SUGP1: variants seen among roughly 807,000 people sequenced by gnomAD.
SUGP1 encodes the protein SURP and G-patch domain containing 1, also known as SURP and G-patch domain-containing protein 1.
A neutral mutation model predicts 76.5 loss-of-function variants in SUGP1; 34 were observed. That is an observed-to-expected ratio of 0.44 (90% confidence interval 0.34 to 0.59). The LOEUF is 0.59. Ranked by LOEUF, SUGP1 falls within the 20% of genes least tolerant of loss-of-function variation. The pLI, the probability that SUGP1 is intolerant of heterozygous loss-of-function variation, is 0.01. For missense variants in SUGP1, 752 were observed against 851.7 expected (o/e 0.88, Z 1.46); for synonymous variants, 326 against 326.2 (o/e 1.00, Z 0.01).
intron 4 of SUGP1, among the ~76,000 whole-genome samples, chr19:19,304,428 A>T (rs2061299709): frequency 6.6e-6 from 1 of 152,098 alleles, no homozygotes; most frequent in South Asian, 2.1e-4. Flanking sequence ...CTTCCTGCCC[A>T]GACCCAGAGC....
chr19:19,315,169 T>C (rs183435540), intron 2 of SUGP1, among the ~76,000 whole-genome samples: 210 of 148,044 alleles, frequency 1.4e-3, no homozygotes, highest in Non-Finnish European at 1.9e-3. Context: ...TCTACAAAAA[T>C]AGAAAAAAAT....
intron 7 of SUGP1, among the ~76,000 whole-genome samples, chr19:19,300,273 G>A (rs1341344236): frequency 4.8e-5 from 7 of 146,624 alleles, no homozygotes; most frequent in Non-Finnish European, 9.0e-5. Flanking sequence ...ATGGGGTTTC[G>A]CCATGTTGGC....
intron 2 of SUGP1, among the ~76,000 whole-genome samples, chr19:19,314,197 A>C (rs1242749012): frequency 2.7e-5 from 4 of 150,706 alleles, no homozygotes; most frequent in African/African-American, 9.8e-5. Context: ...CGTGGCGCAC[A>C]CTGGTAATCC....
At chr19:19,296,345 C>G (rs1424928521) in intron 8 of SUGP1, among the ~76,000 whole-genome samples, 2 of 151,588 alleles carry the variant, frequency 1.3e-5, no homozygotes, top group Non-Finnish European at 2.9e-5. Flanking sequence ...CATCTGAGGT[C>G]AGGAGTTCGA....
At chr19:19,307,053 T>C (rs1183638281) in intron 3 of SUGP1, among the ~76,000 whole-genome samples, 2 of 152,104 alleles carry the variant, frequency 1.3e-5, no homozygotes, top group African/African-American at 4.8e-5. Flanking sequence ...CCTCATCTTT[T>C]TTTTTTTAGT....
chr19:19,316,465 T>C lies in SUGP1; in HGVS notation c.163A>G (p.Lys55Glu). The C allele has an allele frequency of 6.2e-7, 1 of 1,613,920 alleles. No homozygotes were observed. Among genetic ancestry groups the C allele is most frequent in the African/African-American group, 1.3e-5 (1 of 74,974 alleles). The change falls in exon 2 of 14, where the codon AAG (lysine) becomes GAG (glutamate). Residue 55 changes from lysine to glutamate, a missense_variant. Transcript: ENST00000247001. ...TGAGGGCTGGCCACCTGATTCTGCT[T>C]GGCTTTCTGTTCCATTTTGGCTTCA... ...EIEAKMEQKA[K>E]QNQVASPQPP...
chr19:19,309,674 G>C (rs1182343858), intron 3 of SUGP1, among the ~76,000 whole-genome samples: 1 of 152,210 alleles, frequency 6.6e-6, no homozygotes, highest in Non-Finnish European at 1.5e-5. Flanking sequence ...ACTTTGGGAG[G>C]CTGAGGTGGG....
intron 2 of SUGP1, among the ~76,000 whole-genome samples, chr19:19,311,595 C>T (rs950808841): frequency 6.6e-6 from 1 of 151,930 alleles, no homozygotes; most frequent in Non-Finnish European, 1.5e-5. Flanking sequence ...GATGTGGTAG[C>T]AGGCGCCTGT....
intron 8 of SUGP1, among the ~76,000 whole-genome samples, chr19:19,290,382 C>G (rs935733114): frequency 7.2e-5 from 11 of 152,188 alleles, no homozygotes; most frequent in Non-Finnish European, 1.0e-4. Flanking sequence ...CGGTGGCTCA[C>G]ACCTGTAATC....
At chr19:19,290,797 T>C (rs1193453127) in intron 8 of SUGP1, among the ~76,000 whole-genome samples, 1 of 152,154 alleles carries the variant, frequency 6.6e-6, no homozygotes, top group East Asian at 1.9e-4. Flanking sequence ...TTAATATATA[T>C]AACAATCATT....
intron 1 of SUGP1, among the ~76,000 whole-genome samples, chr19:19,319,595 G>C (rs776738930): frequency 4.0e-5 from 6 of 150,114 alleles, no homozygotes; most frequent in Non-Finnish European, 8.9e-5. Flanking sequence ...GTGGTGGCGC[G>C]CATCTGTGGT....
At chr19:19,284,878 T>C (rs985129760) in intron 8 of SUGP1, among the ~76,000 whole-genome samples, 2 of 150,736 alleles carry the variant, frequency 1.3e-5, no homozygotes, top group African/African-American at 4.9e-5. Context: ...CAGGTTTGTT[T>C]TTTTTTTTTT....
At chr19:19,293,448 G>A (rs2061201127) in intron 8 of SUGP1, among the ~76,000 whole-genome samples, 1 of 151,910 alleles carries the variant, frequency 6.6e-6, no homozygotes, top group African/African-American at 2.4e-5. Context: ...GCCAGTCGTG[G>A]TGGTGGGCAC....
At chr19:19,280,597 T>G in intron 8 of SUGP1, 1 of 325,630 alleles carries the variant, frequency 3.1e-6, no homozygotes, top group East Asian at 5.7e-5. Flanking sequence ...AGCTAACGAG[T>G]GACAGGGCAG....
chr19:19,285,733 T>A (rs1389859541), intron 8 of SUGP1, among the ~76,000 whole-genome samples: 1 of 151,934 alleles, frequency 6.6e-6, no homozygotes, highest in Non-Finnish European at 1.5e-5. Context: ...ACCCGGCTAA[T>A]TTTTGTGGTT....
intron 8 of SUGP1, 92 bp from the exon 9 acceptor site, chr19:19,280,383 A>T (rs2061088898): frequency 8.9e-7 from 1 of 1,121,204 alleles, no homozygotes; most frequent in Non-Finnish European, 1.3e-6. Context: ...TCACACCTTC[A>T]TGACACTCCA....
At chr19:19,320,321 G>A in intron 1 of SUGP1, 142 bp downstream of exon 1, 2 of 824,904 alleles carry the variant, frequency 2.4e-6, no homozygotes, top group Admixed American at 6.3e-5. Context: ...GAAACCAAGA[G>A]GTGCAGAAGC....
rs1331206197 is a variant in SUGP1, at chr19:19,303,255, C to A, written c.763+93G>T. ...CCTCAACCACCGGTGCCACACAGTG[C>A]CACTCCAGCACCTCCAGGAACCCCG... is the stretch of plus-strand genomic sequence containing the variant. On this transcript the variant is annotated intron_variant, in intron 6 of 13. Coordinates refer to ENST00000247001, the MANE Select transcript of SUGP1 (RefSeq NM_172231.4). 75 of 1,066,440 alleles carry A rather than the reference C, an allele frequency of 7.0e-5. No homozygotes were observed. The Admixed American group carries it at 1.3e-3, about 18-fold the overall frequency. The allele number at this position is 1,066,440 out of a possible 1,614,324, so 66.1% of individuals were successfully genotyped here. A position where few individuals can be genotyped will look rare whatever the true frequency, so the allele number is the denominator to read the frequency against.
At position 19,296,991 on chromosome 19, in the gene SUGP1, G is replaced by A. The variant is rs748782198; in HGVS notation, c.1241C>T (p.Ser414Leu). The change falls in exon 8 of 14, where the codon TCA becomes TTA. Residue 414 changes from serine to leucine, a missense_variant and splice_region_variant. This residue lies in a region of SUGP1 where 620 missense variants were observed against 617.3 expected (regional missense o/e 1.00). Coordinates refer to ENST00000247001, the MANE Select transcript of SUGP1 (RefSeq NM_172231.4). ...GGAGGGGGAGAGGGTCTGCCCACCT[G>A]ACAGAGGCGAGGGAGAGGCATCCAC... The part of the protein sequence containing the change: ...RDVDASPSPL[S>L]VQDLKGLGYE... 5 of 1,571,666 alleles carry A rather than the reference G, an allele frequency of 3.2e-6. No homozygotes were observed. Among genetic ancestry groups the A allele is most frequent in the Non-Finnish European group, 4.3e-6 (5 of 1,152,280 alleles).
Sources: gnomAD v4.1 joint callset for allele counts (sites outside exome capture counted in the v4.1 genomes callset) on GRCh38, gnomAD v4.1.1 for gene constraint, gnomAD v4.1.1 regional missense constraint, MANE v1.5 for transcripts, NCBI Gene and HGNC (gene_info 2026-07-23, HGNC 2026-07-21) for gene names.